Variants in DAB1 observed in about 807,000 individuals in gnomAD.
DAB1 encodes the protein DAB adaptor protein 1.
DAB1 carries 15 observed loss-of-function variants against 64.6 expected under a neutral mutation model. That is an observed-to-expected ratio of 0.23 (90% CI 0.16 to 0.36). The LOEUF is 0.36. Ranked by LOEUF, DAB1 falls within the 10% of genes least tolerant of loss-of-function variation. DAB1 has a pLI of 1.00. For synonymous variants in DAB1, 235 were observed against 251.9 expected, an observed-to-expected ratio of 0.93 and a Z score of 0.64; for missense variants, 596 against 706.7, an observed-to-expected ratio of 0.84 and a Z score of 1.78.
At chr1:57,381,233 C>T (rs1681346477) in intron 1 of DAB1, among the ~76,000 whole-genome samples, 2 of 152,078 alleles carry the variant, frequency 1.3e-5, no homozygotes, top group Non-Finnish European at 2.9e-5. Flanking sequence ...CTCTGATTTA[C>T]CTTATTTTTC....
intron 7 of DAB1, among the ~76,000 whole-genome samples, chr1:57,597,048 G>A (rs995884675): frequency 4.6e-5 from 7 of 152,102 alleles, no homozygotes; most frequent in African/African-American, 1.2e-4. Context: ...GTTTATCCCA[G>A]GCCCTTTGAA....
chr1:58,232,476 T>TACACACACACACAC (rs58863239), intron 4 of DAB1, among the ~76,000 whole-genome samples: 3 of 144,134 alleles, frequency 2.1e-5, no homozygotes, highest in East Asian at 4.3e-4. Context: ...TCTGAGTGAA[T>TACACACACACACAC]ACACACACAC....
intron 6 of DAB1, among the ~76,000 whole-genome samples, chr1:57,740,107 A>C (rs1017528067): frequency 6.6e-6 from 1 of 151,328 alleles, no homozygotes; most frequent in African/African-American, 2.4e-5. Context: ...CCAGCTACTC[A>C]GGAGGCTGAG....
intron 7 of DAB1, among the ~76,000 whole-genome samples, chr1:57,508,983 A>G (rs775902767): frequency 1.3e-5 from 2 of 151,264 alleles, no homozygotes; most frequent in Non-Finnish European, 3.0e-5. Context: ...ATATATGCAT[A>G]TACATATATA....
At chr1:58,110,952 C>T (rs1651934740) in intron 5 of DAB1, among the ~76,000 whole-genome samples, 1 of 152,162 alleles carries the variant, frequency 6.6e-6, no homozygotes, top group Non-Finnish European at 1.5e-5. Flanking sequence ...ACTCTCTTTT[C>T]TTCATTAGGG....
chr1:58,216,299 G>T (rs986455465), intron 4 of DAB1, among the ~76,000 whole-genome samples: 1 of 152,074 alleles, frequency 6.6e-6, no homozygotes, highest in Admixed American at 6.6e-5. Context: ...CTGTTCCTGA[G>T]TTAGTTTGCT....
At chr1:58,037,627 C>T (rs1464450785) in intron 5 of DAB1, among the ~76,000 whole-genome samples, 1 of 152,136 alleles carries the variant, frequency 6.6e-6, no homozygotes, top group East Asian at 1.9e-4. Flanking sequence ...AAACCATCCC[C>T]ACCCTTCCAC....
Position 57,025,991 on chromosome 1 carries a change from G to T in DAB1, c.776C>A (p.Thr259Asn). 2 of 1,585,040 alleles carry T rather than the reference G, an allele frequency of 1.3e-6. No individual in the cohort carries two copies. Among genetic ancestry groups the T allele is most frequent in the Non-Finnish European group, 1.7e-6 (2 of 1,168,188 alleles). Residue 259 changes from threonine to asparagine, a missense_variant, in exon 10 of 15, where the codon ACC (threonine) becomes AAC (asparagine). Around this residue, in one of 3 missense-constraint regions of DAB1, gnomAD observed 377 missense variants for 400.4 expected, o/e 0.94. Coordinates refer to ENST00000371236, the MANE Select transcript of DAB1 (RefSeq NM_001365792.1). ...FGDMSTPPDI[T>N]SPPTPATPGD... is the part of the protein sequence containing the mutation. The stretch of plus-strand genomic sequence containing the variant: ...GCAATGCATACTTACGGGGGGAGAG[G>T]TTATATCAGGGGGTGTGGACATGTC...
chr1:58,389,868 G>A (rs141937387), intron 3 of DAB1, among the ~76,000 whole-genome samples: 197 of 152,214 alleles, frequency 1.3e-3, no homozygotes, highest in Admixed American at 3.7e-3. Flanking sequence ...CAAGGAGGAG[G>A]TTGTTTAGGT....
chr1:58,161,731 T>C (rs146379903), intron 4 of DAB1, among the ~76,000 whole-genome samples: 2,529 of 152,318 alleles, frequency 0.017, 33 homozygotes, highest in Non-Finnish European at 0.029. Context: ...GTTCACTAAC[T>C]TGTTCAAGGC....
chr1:57,782,405 T>C (rs868715642), intron 6 of DAB1, among the ~76,000 whole-genome samples: 91 of 152,256 alleles, frequency 6.0e-4, no homozygotes, highest in African/African-American at 2.0e-3. Flanking sequence ...TTCACTGCCA[T>C]TTCCTGTTAT....
At chr1:57,608,785 G>A (rs1287186176) in intron 7 of DAB1, among the ~76,000 whole-genome samples, 1 of 152,016 alleles carries the variant, frequency 6.6e-6, no homozygotes, top group African/African-American at 2.4e-5. Flanking sequence ...AAATCTACCA[G>A]GTTCCAAAAC....
At chr1:58,167,381 T>G (rs1393629305) in intron 4 of DAB1, among the ~76,000 whole-genome samples, 1 of 144,282 alleles carries the variant, frequency 6.9e-6, no homozygotes, top group Non-Finnish European at 1.5e-5. Flanking sequence ...CACCAATCAG[T>G]GTTCTGTGTC....
intron 2 of DAB1, among the ~76,000 whole-genome samples, chr1:57,159,407 A>G (rs1660527826): frequency 6.6e-6 from 1 of 152,168 alleles, no homozygotes; most frequent in South Asian, 2.1e-4. Context: ...GCATGCTTAT[A>G]TCCCTGGTGG....
chr1:57,423,254 G>C (rs1258465213), intron 1 of DAB1, among the ~76,000 whole-genome samples: 2 of 151,902 alleles, frequency 1.3e-5, no homozygotes, highest in East Asian at 3.9e-4. Context: ...CTGGGCGTGG[G>C]GGGAGGGGGT....
intron 5 of DAB1, among the ~76,000 whole-genome samples, chr1:57,932,526 A>G (rs1048524993): frequency 6.7e-6 from 1 of 149,370 alleles, no homozygotes. Flanking sequence ...TTGGTCAGAT[A>G]GAAGGGTATT....
At chr1:57,613,703 CAA>C (rs1645755479) in intron 7 of DAB1, among the ~76,000 whole-genome samples, 2 of 152,252 alleles carry the variant, frequency 1.3e-5, no homozygotes, top group South Asian at 4.1e-4. Flanking sequence ...CTAATTCTAA[CAA>C]AGTCTTAAAA....
intron 1 of DAB1, among the ~76,000 whole-genome samples, chr1:57,355,085 C>A (rs1420195227): frequency 6.6e-6 from 1 of 152,064 alleles, no homozygotes; most frequent in African/African-American, 2.4e-5. Context: ...AACAACTACA[C>A]GTTCTTTTGC....
intron 3 of DAB1, among the ~76,000 whole-genome samples, chr1:58,351,958 G>T (rs1197052031): frequency 6.6e-6 from 1 of 150,572 alleles, no homozygotes; most frequent in Non-Finnish European, 1.5e-5. Context: ...CAAGTTAAGG[G>T]CCAGAGTGAA....
Sources: allele counts gnomAD v4.1 joint callset (sites outside exome capture counted in the v4.1 genomes callset), GRCh38; gene constraint gnomAD v4.1.1; regional missense constraint gnomAD v4.1.1; transcripts MANE v1.5; gene names NCBI Gene and HGNC (gene_info 2026-07-23, HGNC 2026-07-21).